Variants in PLPP4 observed in about 807,000 individuals in gnomAD.
The protein encoded by PLPP4 is diacylglycerol pyrophosphate like 2.
A neutral mutation model predicts 32.2 loss-of-function variants in PLPP4; 20 were observed. The observed-to-expected ratio is 0.62, with a 90% CI of 0.44 to 0.90. PLPP4 has a LOEUF of 0.90. PLPP4 is among the 40% of genes least tolerant of loss of function. The pLI is 0.00. For synonymous variants in PLPP4, 127 were observed against 133.0 expected (o/e 0.95, Z 0.31); for missense variants, 257 against 353.1 (o/e 0.73, Z 2.18).
intron 2 of PLPP4, among the ~76,000 whole-genome samples, chr10:120,504,185 G>A (rs1289878844): frequency 3.9e-5 from 6 of 152,174 alleles, no homozygotes; most frequent in Admixed American, 1.3e-4. Context: ...TCTCAGCAAG[G>A]CCATTTTTAC....
At chr10:120,462,330 G>T (rs1848091291) in intron 1 of PLPP4, among the ~76,000 whole-genome samples, 1 of 152,108 alleles carries the variant, frequency 6.6e-6, no homozygotes, top group South Asian at 2.1e-4. Context: ...GGCAAAACTG[G>T]GGGGGCCTGG....
At chr10:120,542,884 A>G (rs564670175) in intron 5 of PLPP4, among the ~76,000 whole-genome samples, 2 of 152,320 alleles carry the variant, frequency 1.3e-5, no homozygotes, top group East Asian at 1.9e-4. Flanking sequence ...CATTTGCAAC[A>G]TGTAGTGGGA....
chr10:120,581,371 A>G (rs1158789922), intron 6 of PLPP4: 1 of 895,176 alleles, frequency 1.1e-6, no homozygotes, highest in Non-Finnish European at 1.3e-6. Context: ...TCATTGCAGA[A>G]GCCTCTCAGC....
At chr10:120,493,434 G>T (rs191877832) in intron 1 of PLPP4, among the ~76,000 whole-genome samples, 22 of 152,258 alleles carry the variant, frequency 1.4e-4, no homozygotes, top group Admixed American at 2.0e-4. Context: ...CAGTGTCAGG[G>T]GCCACAGGTA....
intron 3 of PLPP4, among the ~76,000 whole-genome samples, chr10:120,516,893 G>T (rs1845955866): frequency 2.0e-5 from 3 of 152,082 alleles, no homozygotes; most frequent in Admixed American, 2.0e-4. Context: ...TAAGCAGTTT[G>T]GTTTCCTTCT....
chr10:120,490,126 A>G (rs1844649011), intron 1 of PLPP4, among the ~76,000 whole-genome samples: 1 of 152,212 alleles, frequency 6.6e-6, no homozygotes, highest in African/African-American at 2.4e-5. Context: ...TAAAGTGAGC[A>G]GCTCAACCTC....
intron 2 of PLPP4, among the ~76,000 whole-genome samples, chr10:120,511,811 G>A (rs746940801): frequency 4.0e-4 from 61 of 152,034 alleles, no homozygotes; most frequent in Non-Finnish European, 2.8e-4. Flanking sequence ...GTACATTTCC[G>A]GGCCAGGTGC....
rs1849155348 is a variant in PLPP4, at chr10:120,575,153, C to T, written c.468C>T (p.Phe156=). The T allele has an allele frequency of 6.2e-7, 1 of 1,613,654 alleles. No individual in the cohort carries two copies. Residue 156 remains phenylalanine, a synonymous_variant, in exon 6 of 7, where the codon TTC becomes TTT. Transcript: ENST00000398250. ...HSSFAFSGLG[F]TTFYLAGKLH... is the part of the protein sequence containing the mutation. The stretch of plus-strand genomic sequence containing the variant: ...CAGTTGCCTTTTCGGGCCTTGGCTT[C>T]ACGACGTTCTACTTGGCGGGCAAGC...
At chr10:120,465,137 A>G (rs1259665694) in intron 1 of PLPP4, among the ~76,000 whole-genome samples, 1 of 152,252 alleles carries the variant, frequency 6.6e-6, no homozygotes, top group Non-Finnish European at 1.5e-5. Flanking sequence ...TTTTTCAATG[A>G]TAGCATTTGT....
chr10:120,530,563 A>C (rs1476490872), intron 5 of PLPP4, among the ~76,000 whole-genome samples: 2 of 152,174 alleles, frequency 1.3e-5, no homozygotes, highest in Non-Finnish European at 2.9e-5. Context: ...TATCTTTGCT[A>C]AACATTTAGG....
intron 1 of PLPP4, among the ~76,000 whole-genome samples, chr10:120,493,672 C>T (rs546349847): frequency 6.6e-6 from 1 of 152,292 alleles, no homozygotes; most frequent in Admixed American, 6.5e-5. Flanking sequence ...CATCCTACCC[C>T]AGTGTGTTTA....
intron 1 of PLPP4, among the ~76,000 whole-genome samples, chr10:120,490,906 G>A (rs1165270363): frequency 6.6e-6 from 1 of 152,202 alleles, no homozygotes; most frequent in Non-Finnish European, 1.5e-5. Flanking sequence ...GAAAATGGCA[G>A]CTCAAAAGCA....
intron 5 of PLPP4, among the ~76,000 whole-genome samples, chr10:120,574,691 C>G (rs775722694): frequency 2.6e-5 from 4 of 152,200 alleles, no homozygotes; most frequent in Non-Finnish European, 5.9e-5. Context: ...CTAAGCAGTT[C>G]TCACAGTCCT....
chr10:120,477,366 TA>T (rs74603489), intron 1 of PLPP4, among the ~76,000 whole-genome samples: 11,850 of 140,090 alleles, frequency 0.085, 683 homozygotes, highest in African/African-American at 0.17. Context: ...TATTTCAAGT[TA>T]AAAAAAAAAA....
At chr10:120,565,287 C>G (rs894774658) in intron 5 of PLPP4, among the ~76,000 whole-genome samples, 1 of 148,812 alleles carries the variant, frequency 6.7e-6, no homozygotes, top group Non-Finnish European at 1.5e-5. Context: ...AAAACATATC[C>G]CTTACATTTC....
At chr10:120,472,794 T>C (rs1481628171) in intron 1 of PLPP4, among the ~76,000 whole-genome samples, 1 of 152,186 alleles carries the variant, frequency 6.6e-6, no homozygotes, top group Non-Finnish European at 1.5e-5. Flanking sequence ...ATTTTCCCTC[T>C]CTGTGGCTCA....
upstream of PLPP4, chr10:120,456,977 G>T (rs1297894670): frequency 1.9e-5 from 3 of 154,810 alleles, no homozygotes; most frequent in East Asian, 3.8e-4. The surrounding 1 kb of genome is among the most constrained non-coding windows in gnomAD (Gnocchi z 4.1). Context: ...CCCGGTCCGC[G>T]GGTGCCCGGC....
intron 1 of PLPP4, among the ~76,000 whole-genome samples, chr10:120,463,280 C>T (rs1323642767): frequency 6.6e-6 from 1 of 152,160 alleles, no homozygotes; most frequent in Non-Finnish European, 1.5e-5. Flanking sequence ...CCCACCTTGG[C>T]CTCCCAAAGT....
At chr10:120,528,546 C>T (rs925123989) in intron 5 of PLPP4, among the ~76,000 whole-genome samples, 3 of 152,150 alleles carry the variant, frequency 2.0e-5, no homozygotes, top group Admixed American at 1.3e-4. Flanking sequence ...GGGGTATCAG[C>T]GAACTTGGCA....
Sources: allele counts gnomAD v4.1 joint callset (sites outside exome capture counted in the v4.1 genomes callset), GRCh38; gene constraint gnomAD v4.1.1; non-coding constraint Gnocchi (gnomAD v3.1); transcripts MANE v1.5; gene names NCBI Gene and HGNC (gene_info 2026-07-23, HGNC 2026-07-21).